Variants in TRAPPC9 observed in about 807,000 individuals in gnomAD.
The protein encoded by TRAPPC9 is IKK2 binding protein.
A neutral mutation model predicts 124.0 loss-of-function variants in TRAPPC9; 83 were observed. That is an observed-to-expected ratio of 0.67 (90% confidence interval 0.56 to 0.80). TRAPPC9 has a LOEUF of 0.80. TRAPPC9 is among the 30% of genes least tolerant of loss of function. The probability of loss-of-function intolerance (pLI) is 0.00; values close to 1 mark genes in which losing one functional copy is unlikely to be tolerated. For synonymous variants in TRAPPC9, 638 were observed against 617.5 expected (o/e 1.03, Z -0.49); for missense variants, 1,302 against 1,508.3 (o/e 0.86, Z 2.27).
intron 14 of TRAPPC9, among the ~76,000 whole-genome samples, chr8:140,283,461 ATT>A (rs985845512): frequency 6.9e-6 from 1 of 145,090 alleles, no homozygotes. Flanking sequence ...CGCCTGGCTA[ATT>A]TTTTTTTTTA....
At position 139,961,787 on chromosome 8, in the gene TRAPPC9, C is replaced by T. The variant is rs1202077079; in HGVS notation, c.2810+26939G>A. ...CCTCTTCTGGACCCACCCATGGCTG[C>T]CTATGGACCAGTCGGCAGGCACTTC... On this transcript the variant is annotated intron_variant, in intron 19 of 22. Transcript: ENST00000438773. 1.6e-5 allele frequency among the ~76,000 whole-genome samples: 2 copies of T among 123,986 alleles called. 1 individual carries two copies. Among genetic ancestry groups the T allele is most frequent in the Non-Finnish European group, 3.8e-5 (2 of 51,980 alleles). 81.3% of individuals were successfully genotyped at this position (123,986 alleles called of 152,430 possible).
chr8:140,238,222 T>A (rs917616669), intron 16 of TRAPPC9: 2 of 152,222 alleles, frequency 1.3e-5, no homozygotes, highest in Non-Finnish European at 2.9e-5. Flanking sequence ...GACAAACACC[T>A]GGATTTTCAT....
At chr8:140,199,689 C>T (rs571935379) in intron 17 of TRAPPC9, among the ~76,000 whole-genome samples, 2 of 152,108 alleles carry the variant, frequency 1.3e-5, no homozygotes, top group South Asian at 2.1e-4. Context: ...TTGCATCACC[C>T]GCACCACAAT....
chr8:140,457,752 G>A (rs1330697780), upstream of TRAPPC9: 7 of 995,302 alleles, frequency 7.0e-6, no homozygotes, highest in African/African-American at 1.7e-5. Context: ...ACTGGCGGCC[G>A]AGCCGGCGCT....
At chr8:139,959,573 C>T (rs989447501) in intron 19 of TRAPPC9, among the ~76,000 whole-genome samples, 2 of 152,178 alleles carry the variant, frequency 1.3e-5, no homozygotes, top group Admixed American at 6.5e-5. Context: ...TCCACCTTCC[C>T]ACCACCAACA....
chr8:139,893,322 T>C (rs982290423), intron 20 of TRAPPC9, among the ~76,000 whole-genome samples: 4 of 152,228 alleles, frequency 2.6e-5, no homozygotes, highest in African/African-American at 9.6e-5. Context: ...CAGCTCTTCC[T>C]GGAATGTCCC....
chr8:140,210,778 C>A (rs1366404308), intron 17 of TRAPPC9, among the ~76,000 whole-genome samples: 2 of 152,172 alleles, frequency 1.3e-5, no homozygotes, highest in African/African-American at 4.8e-5. Flanking sequence ...CCCGGCTCTA[C>A]TGCAAGATTT....
chr8:139,790,443 C>G (rs1563814900), intron 21 of TRAPPC9, among the ~76,000 whole-genome samples: 1 of 152,144 alleles, frequency 6.6e-6, no homozygotes, highest in East Asian at 1.9e-4. Flanking sequence ...GTTCGGAGAC[C>G]ACAGCCGGTG....
At chr8:140,079,995 G>A (rs1030860655) in intron 17 of TRAPPC9, among the ~76,000 whole-genome samples, 1 of 152,160 alleles carries the variant, frequency 6.6e-6, no homozygotes, top group South Asian at 2.1e-4. Context: ...AGGGGAAGAA[G>A]AAGGCGATGG....
intron 14 of TRAPPC9, among the ~76,000 whole-genome samples, chr8:140,279,161 G>A (rs2065224644): frequency 6.6e-6 from 1 of 152,212 alleles, no homozygotes. Flanking sequence ...CCCAAAGACA[G>A]GGTCAACCTC....
chr8:140,340,659 A>G (rs2067168208), intron 9 of TRAPPC9, among the ~76,000 whole-genome samples: 1 of 152,270 alleles, frequency 6.6e-6, no homozygotes, highest in Non-Finnish European at 1.5e-5. Flanking sequence ...GATAAAGTAC[A>G]TGAGCCAGGA....
chr8:140,163,697 T>C (rs781510547), intron 17 of TRAPPC9, among the ~76,000 whole-genome samples: 2 of 152,124 alleles, frequency 1.3e-5, no homozygotes, highest in African/African-American at 4.8e-5. Flanking sequence ...GATTTCCCAA[T>C]AGTTATTGTA....
At chr8:140,392,676 C>T (rs1169068994) in intron 7 of TRAPPC9, among the ~76,000 whole-genome samples, 2 of 152,182 alleles carry the variant, frequency 1.3e-5, no homozygotes, top group Admixed American at 1.3e-4. Context: ...AACCAGCACG[C>T]CTCCCAGAGG....
chr8:139,965,211 G>C (rs781471433), intron 19 of TRAPPC9, among the ~76,000 whole-genome samples: 9 of 152,240 alleles, frequency 5.9e-5, no homozygotes, highest in Non-Finnish European at 1.0e-4. Flanking sequence ...ACAGTGCTTT[G>C]CACGTTCAGG....
rs559455347 is a variant in TRAPPC9, at chr8:140,230,891, G to A, written c.2432-9308C>T. The stretch of plus-strand genomic sequence containing the variant: ...TCCTGGAGGGTAGGCCCTCTTCTGC[G>A]GAAATCATCAAGAGAAGTGGAAACT... On this transcript the variant is annotated intron_variant, in intron 16 of 22. Transcript: ENST00000438773. 1.6e-4 allele frequency among the ~76,000 whole-genome samples: 24 copies of A among 152,282 alleles called. 1 individual carries two copies. In the South Asian group the frequency reaches 3.7e-3, roughly 24 times the overall value.
Position 139,858,689 on chromosome 8 carries a change from T to A in TRAPPC9, c.3055+27190A>T, listed in dbSNP as rs1285695125. On this transcript the variant is annotated intron_variant, in intron 21 of 22. Transcript: ENST00000438773. ...CCAAGAGTCTGCTCGTCCATGAGTG[T>A]CTACACCTGCAACACAGCCGGCACC... Among the ~76,000 whole-genome samples, 13 of 152,018 alleles carry A rather than the reference T, an allele frequency of 8.6e-5. 2 individuals are homozygous for A. Among genetic ancestry groups the A allele is most frequent in the Admixed American group, 8.5e-4 (13 of 15,262 alleles).
At chr8:140,016,448 C>T (rs1839469056) in intron 18 of TRAPPC9, among the ~76,000 whole-genome samples, 1 of 152,180 alleles carries the variant, frequency 6.6e-6, no homozygotes, top group African/African-American at 2.4e-5. Context: ...TCAATTCCTG[C>T]CCCACGTTAC....
intron 1 of TRAPPC9, among the ~76,000 whole-genome samples, chr8:140,453,361 G>A (rs745980972): frequency 5.9e-4 from 89 of 152,088 alleles, no homozygotes; most frequent in Non-Finnish European, 7.1e-4. Context: ...ATAACCTTCA[G>A]GTCACCAAAG....
chr8:140,221,231 G>A (rs1015710637), intron 17 of TRAPPC9, among the ~76,000 whole-genome samples: 5 of 152,194 alleles, frequency 3.3e-5, no homozygotes, highest in Non-Finnish European at 7.3e-5. Flanking sequence ...TCAGCCCACG[G>A]AATCTCCGTG....
Sources: allele counts gnomAD v4.1 joint callset (sites outside exome capture counted in the v4.1 genomes callset), GRCh38; gene constraint gnomAD v4.1.1; transcripts MANE v1.5; gene names NCBI Gene and HGNC (gene_info 2026-07-23, HGNC 2026-07-21).